GART: variants seen among roughly 807,000 people sequenced by gnomAD.
GART encodes trifunctional purine biosynthetic protein adenosine-3.
A neutral mutation model predicts 107.2 loss-of-function variants in GART; 43 were observed. The ratio of observed to expected loss-of-function variants is 0.40; its 90% CI spans 0.31 to 0.52. The LOEUF (loss-of-function observed/expected upper bound fraction) is 0.52, where lower values mean the gene tolerates loss of function less well. GART is among the 20% of genes least tolerant of loss of function. GART has a pLI of 0.52. For missense variants in GART, 1,107 were observed against 1,206.5 expected, an observed-to-expected ratio of 0.92 and a Z score of 1.22; for synonymous variants, 434 against 427.0, an observed-to-expected ratio of 1.02 and a Z score of -0.20.
At chr21:33,534,917 G>A (rs2085275034) in intron 3 of GART, among the ~76,000 whole-genome samples, 164 bp from the exon 4 acceptor site, 1 of 152,162 alleles carries the variant, frequency 6.6e-6, no homozygotes, top group South Asian at 2.1e-4. Flanking sequence ...GAGATAAAAT[G>A]CTATTAACAT....
chr21:33,526,337 A>C (rs1440594573), intron 10 of GART, among the ~76,000 whole-genome samples: 3 of 150,956 alleles, frequency 2.0e-5, no homozygotes, highest in Admixed American at 6.6e-5. Context: ...CATTTGGCTA[A>C]TTGTTTTTGT....
At chr21:33,520,749 TTTG>T in intron 13 of GART, 154 bp downstream of exon 13, 1 of 714,392 alleles carries the variant, frequency 1.4e-6, no homozygotes, top group Non-Finnish European at 2.3e-6. Context: ...TAAATAATAA[TTTG>T]TTATTAGAAA....
intron 18 of GART, among the ~76,000 whole-genome samples, chr21:33,508,143 A>G (rs1430148234): frequency 2.0e-5 from 3 of 152,070 alleles, no homozygotes; most frequent in Admixed American, 2.0e-4. Flanking sequence ...GGTTTAGGAT[A>G]TGTAATTGCT....
At chr21:33,525,114 C>A in intron 10 of GART, 114 bp from the exon 11 acceptor site, 2 of 1,430,204 alleles carry the variant, frequency 1.4e-6, no homozygotes, top group Non-Finnish European at 9.1e-7. Flanking sequence ...TGGCTAGGTG[C>A]GGTGGCTCAT....
intron 20 of GART, among the ~76,000 whole-genome samples, chr21:33,504,782 G>C (rs1417575364): frequency 1.3e-5 from 2 of 152,138 alleles, no homozygotes; most frequent in African/African-American, 4.8e-5. Flanking sequence ...ACAGGAAGGT[G>C]GGGAGTTCAA....
intron 4 of GART, among the ~76,000 whole-genome samples, chr21:33,533,724 G>A (rs2085243621): frequency 1.3e-5 from 2 of 152,064 alleles, no homozygotes; most frequent in African/African-American, 2.4e-5. Context: ...GGGAAACATG[G>A]TAAAACTCCG....
intron 14 of GART, among the ~76,000 whole-genome samples, chr21:33,519,371 G>A (rs1461307611): frequency 6.6e-6 from 1 of 151,992 alleles, no homozygotes; most frequent in African/African-American, 2.4e-5. Flanking sequence ...GGCTAACACG[G>A]TGAAACCCCA....
At chr21:33,532,525 A>G in intron 4 of GART, 69 bp from the exon 5 acceptor site, 2 of 1,168,360 alleles carry the variant, frequency 1.7e-6, no homozygotes, top group Non-Finnish European at 1.3e-6. Context: ...ATGCTGTGGG[A>G]TTTTGTAACG....
Position 33,506,021 on chromosome 21 carries a change from C to A in GART, c.2536G>T (p.Ala846Ser), listed in dbSNP as rs146928280. The A allele has an allele frequency of 1.9e-6, 3 of 1,614,142 alleles. No individual in the cohort carries two copies. Among genetic ancestry groups the A allele is most frequent in the Non-Finnish European group, 2.5e-6 (3 of 1,180,004 alleles). Reference sequence around the variant, plus strand: ...TCCGCTTTATCTAACCCAGCTACTGCGGCTTTGTTGGAGATAACAATATCA... The same window carrying A: ...TCCGCTTTATCTAACCCAGCTACTGAGGCTTTGTTGGAGATAACAATATCA... ...QIDIVISNKA[A>S]VAGLDKAERA... is the part of the protein sequence containing the mutation. The change falls in exon 19 of 22, where the codon GCA becomes TCA. Residue 846 changes from alanine (A) to serine (S), a missense_variant. Transcript: ENST00000381815.
chr21:33,526,566 T>G (rs1219278954), intron 10 of GART, among the ~76,000 whole-genome samples: 2 of 152,066 alleles, frequency 1.3e-5, no homozygotes, highest in East Asian at 3.9e-4. Flanking sequence ...TCATGAGACT[T>G]AAGTTTCTTT....
At chr21:33,534,124 T>C (rs1338933999) in intron 4 of GART, among the ~76,000 whole-genome samples, 1 of 152,184 alleles carries the variant, frequency 6.6e-6, no homozygotes, top group Non-Finnish European at 1.5e-5. Context: ...ATAATATTTA[T>C]TGAGAAAGTT....
At chr21:33,539,655 T>C (rs1301612841) in intron 1 of GART, among the ~76,000 whole-genome samples, 2 of 150,724 alleles carry the variant, frequency 1.3e-5, no homozygotes, top group Non-Finnish European at 2.9e-5. Context: ...ATCACGTCAC[T>C]ACACTCTAGC....
At position 33,528,530 on chromosome 21, in the gene GART, G is replaced by T. The variant is rs778622594; in HGVS notation, c.886C>A (p.Pro296Thr). 7 of 1,606,700 alleles carry T rather than the reference G, an allele frequency of 4.4e-6. No individual in the cohort carries two copies. Among genetic ancestry groups the T allele is most frequent in the Non-Finnish European group, 5.9e-6 (7 of 1,178,000 alleles). ...ATATTTTTACCCACTTGGCACTCTG[G>T]ATCACCAAAACGGCAATTAAACTCT... ...VLEFNCRFGD[P>T]ECQVILPLLK... Residue 296 changes from proline (P) to threonine (T), a missense_variant, in exon 9 of 22, where the codon CCA (proline) becomes ACA (threonine). Coordinates refer to ENST00000381815, the MANE Select transcript of GART (RefSeq NM_000819.5).
At chr21:33,540,345 T>C (rs1015142380) in intron 1 of GART, among the ~76,000 whole-genome samples, 1 of 152,264 alleles carries the variant, frequency 6.6e-6, no homozygotes, top group Non-Finnish European at 1.5e-5. Flanking sequence ...ACGGATACTA[T>C]AATTTGAATT....
chr21:33,525,653 C>T (rs2085059440), intron 10 of GART, among the ~76,000 whole-genome samples: 1 of 151,592 alleles, frequency 6.6e-6, no homozygotes, highest in Non-Finnish European at 1.5e-5. Context: ...ATGGTCTTGA[C>T]CTCCTGATCT....
rs148122276 is a variant in GART at position 33,531,252 on chromosome 21, G to A, written c.597+237C>T. 1,431 of 468,410 alleles carry A rather than the reference G, an allele frequency of 3.1e-3. 18 individuals are homozygous for A. Among genetic ancestry groups the A allele is most frequent in the African/African-American group, 0.026 (1,278 of 50,114 alleles). 29.0% of individuals were successfully genotyped at this position (468,410 alleles called of 1,614,324 possible). ...AAGCATGAATGCTTGAATTAATCCAGAACCTCAATAGTGTGTAAGTCCAAG... is the reference window on the plus strand; with the variant it reads ...AAGCATGAATGCTTGAATTAATCCAAAACCTCAATAGTGTGTAAGTCCAAG... On this transcript the variant is annotated intron_variant, in intron 6 of 21. Coordinates refer to ENST00000381815, the MANE Select transcript of GART (RefSeq NM_000819.5).
In GART at chr21:33,520,279, T is replaced by C; in HGVS notation, c.1702+85A>G. 2.7e-6 allele frequency: 3 copies of C among 1,128,280 alleles called. 1 individual carries two copies. Among genetic ancestry groups the C allele is most frequent in the Non-Finnish European group, 2.7e-6 (2 of 752,158 alleles). 69.9% of individuals were successfully genotyped at this position (1,128,280 alleles called of 1,614,324 possible). ...GTGATATACAGTCTCTCTTGCTAGCTACATTGGCACTGATCACATTTTTAC... is the reference window on the plus strand; with the variant it reads ...GTGATATACAGTCTCTCTTGCTAGCCACATTGGCACTGATCACATTTTTAC... On this transcript the variant is annotated intron_variant, in intron 14 of 21. Transcript: ENST00000381815.
At chr21:33,516,824 GC>G (rs886616086) in intron 16 of GART, among the ~76,000 whole-genome samples, 164 bp downstream of exon 16, 8 of 152,042 alleles carry the variant, frequency 5.3e-5, no homozygotes, top group African/African-American at 1.9e-4. Flanking sequence ...AGATAATGAA[GC>G]AAAAAGAGAT....
intron 11 of GART, among the ~76,000 whole-genome samples, chr21:33,522,648 T>C (rs1450588091): frequency 6.6e-6 from 1 of 152,212 alleles, no homozygotes; most frequent in Non-Finnish European, 1.5e-5. Context: ...AAATTCAGCA[T>C]CTTAACCATT....
Sources: allele counts gnomAD v4.1 joint callset (sites outside exome capture counted in the v4.1 genomes callset), GRCh38; gene constraint gnomAD v4.1.1; transcripts MANE v1.5; gene names NCBI Gene and HGNC (gene_info 2026-07-23, HGNC 2026-07-21).